CATSPERD: variants seen among roughly 807,000 people sequenced by gnomAD.
The protein encoded by CATSPERD is cation channel sperm-associated auxiliary subunit delta.
In CATSPERD, 86 loss-of-function variants were observed where a neutral mutation model predicts 98.1. The ratio of observed to expected loss-of-function variants is 0.88; its 90% CI spans 0.74 to 1.05. The LOEUF (loss-of-function observed/expected upper bound fraction) is 1.05. Among genes scored for constraint, CATSPERD ranks in the 50% least tolerant of loss-of-function variants. The pLI is 0.00. For synonymous variants in CATSPERD, 394 were observed against 390.2 expected (o/e 1.01, Z -0.12); for missense variants, 995 against 1,005.7 (o/e 0.99, Z 0.14).
chr19:5,721,227 C>G (rs1040255232), intron 1 of CATSPERD, among the ~76,000 whole-genome samples: 1 of 152,204 alleles, frequency 6.6e-6, no homozygotes, highest in East Asian at 1.9e-4. Context: ...TGGTCCCGAT[C>G]TCCTGACCTC....
intron 8 of CATSPERD, among the ~76,000 whole-genome samples, chr19:5,745,326 C>T (rs1215067506): frequency 6.6e-6 from 1 of 151,988 alleles, no homozygotes; most frequent in Admixed American, 6.6e-5. Context: ...TGTACTACAT[C>T]TTCAAAATGA....
In CATSPERD at chr19:5,750,860, T is replaced by A. The variant is rs547169555; in HGVS notation, c.988-787T>A. On this transcript the variant is annotated intron_variant, in intron 11 of 21. Coordinates refer to ENST00000381624, the MANE Select transcript of CATSPERD (RefSeq NM_152784.4). ...CTCTCTCCCTTCTTTCCTTTCTTCCTTCCTTTCTCTTTCTCTCTTCCTTTC... is the reference window on the plus strand; with the variant it reads ...CTCTCTCCCTTCTTTCCTTTCTTCCATCCTTTCTCTTTCTCTCTTCCTTTC... Among the ~76,000 whole-genome samples, 7 of 152,136 alleles carry A rather than the reference T, an allele frequency of 4.6e-5. No homozygotes were observed. The South Asian group carries it at 1.5e-3, about 32-fold the overall frequency.
intron 7 of CATSPERD, among the ~76,000 whole-genome samples, chr19:5,743,681 TTC>T (rs1202647151): frequency 5.9e-5 from 7 of 117,952 alleles, no homozygotes; most frequent in South Asian, 2.7e-4. Context: ...TCTCTCTCTC[TTC>T]CTCTCTCTCT....
intron 10 of CATSPERD, among the ~76,000 whole-genome samples, 176 bp downstream of exon 10, chr19:5,748,431 G>C (rs2056138147): frequency 6.6e-6 from 1 of 151,810 alleles, no homozygotes; most frequent in East Asian, 1.9e-4. Context: ...AGGAGTTCGA[G>C]ACCAGCCTGG....
chr19:5,765,993 C>A, intron 16 of CATSPERD, 110 bp from the exon 17 acceptor site: 1 of 732,170 alleles, frequency 1.4e-6, no homozygotes, highest in Non-Finnish European at 2.2e-6. Flanking sequence ...GGGATCCAGG[C>A]CACATGGTTT....
intron 1 of CATSPERD, among the ~76,000 whole-genome samples, chr19:5,723,927 C>G (rs2055552946): frequency 6.6e-6 from 1 of 151,966 alleles, no homozygotes; most frequent in South Asian, 2.1e-4. Flanking sequence ...CAGGCATGCG[C>G]CACCACACGC....
At chr19:5,722,053 G>A (rs1258215700) in intron 1 of CATSPERD, among the ~76,000 whole-genome samples, 9 of 151,916 alleles carry the variant, frequency 5.9e-5, no homozygotes, top group Non-Finnish European at 1.2e-4. Flanking sequence ...CTAGGCTCCA[G>A]TGATCCTCCT....
chr19:5,728,684 C>T (rs1042864222), intron 3 of CATSPERD, among the ~76,000 whole-genome samples: 3 of 150,656 alleles, frequency 2.0e-5, no homozygotes, highest in African/African-American at 7.4e-5. Context: ...CATAGCAAGA[C>T]CCATCTCTCT....
intron 15 of CATSPERD, among the ~76,000 whole-genome samples, chr19:5,761,529 G>T (rs143336355): frequency 7.9e-5 from 12 of 152,240 alleles, no homozygotes; most frequent in African/African-American, 2.9e-4. Context: ...AATTTATAAA[G>T]AAAAGAGGTT....
At position 5,727,258 on chromosome 19, in the gene CATSPERD, A is replaced by C. The variant is rs1321410823; in HGVS notation, c.127-10A>C. 6.2e-7 allele frequency: 1 copy of C among 1,603,642 alleles called. No individual in the cohort carries two copies. Among genetic ancestry groups the C allele is most frequent in the Non-Finnish European group, 8.5e-7 (1 of 1,172,344 alleles). On this transcript the variant is annotated splice_polypyrimidine_tract_variant and intron_variant, in intron 2 of 21. Coordinates refer to ENST00000381624, the MANE Select transcript of CATSPERD (RefSeq NM_152784.4). ...TTGATATTATTAAGATTTTGTGATT[A>C]TCTCTCTAGGACCGCCTGTATTTTC...
At chr19:5,723,195 AAAAAAG>A (rs753386995) in intron 1 of CATSPERD, among the ~76,000 whole-genome samples, 192 of 150,992 alleles carry the variant, frequency 1.3e-3, no homozygotes, top group African/African-American at 3.8e-3. Context: ...TCAAAAAAAA[AAAAAAG>A]AAAAAGAAAA....
At chr19:5,744,349 A>T in intron 7 of CATSPERD, 78 bp from the exon 8 acceptor site, 1 of 1,195,390 alleles carries the variant, frequency 8.4e-7, no homozygotes, top group Non-Finnish European at 1.2e-6. Flanking sequence ...GTAACTTATT[A>T]GATAATCTGA....
At chr19:5,732,163 CA>C (rs2055738688) in intron 4 of CATSPERD, among the ~76,000 whole-genome samples, 1 of 151,804 alleles carries the variant, frequency 6.6e-6, no homozygotes, top group East Asian at 1.9e-4. Flanking sequence ...TTAGTAGAGA[CA>C]GTGTTTCACT....
intron 11 of CATSPERD, among the ~76,000 whole-genome samples, chr19:5,751,197 CAAAAAAAA>C (rs556079596): frequency 2.1e-5 from 1 of 46,630 alleles, no homozygotes; most frequent in African/African-American, 7.6e-5. Flanking sequence ...GATTCCGTCT[CAAAAAAAA>C]AAAAAAAAAA....
rs1491269022 is a variant in CATSPERD at position 5,762,059 on chromosome 19, T to TATATATATATATATATA, written c.1428-1156_1428-1155insATATATATATATATATA. On this transcript the variant is annotated intron_variant, in intron 15 of 21. Transcript: ENST00000381624. ...GGCCTGCCATATATATATATATATA[T>TATATATATATATATATA]TTTTTTTTTTTTTTTTTTTTTTGAG... is the stretch of plus-strand genomic sequence containing the variant. Among the ~76,000 whole-genome samples the TATATATATATATATATA allele has an allele frequency of 3.5e-3, 65 of 18,496 alleles. 1 individual carries two copies. The highest frequency in any genetic ancestry group is 5.8e-3 in the Non-Finnish European group (52 of 8,978). The allele number at this position is 18,496 out of a possible 152,430, so 12.1% of individuals were successfully genotyped here.
chr19:5,772,468 C>T, intron 19 of CATSPERD: 1 of 285,382 alleles, frequency 3.5e-6, no homozygotes, highest in Non-Finnish European at 6.8e-6. Flanking sequence ...ACCTCGTGAT[C>T]CTCCCGCTTC....
chr19:5,749,187 G>A lies in CATSPERD; in HGVS notation c.987+4G>A. On this transcript the variant is annotated splice_donor_region_variant and intron_variant, in intron 11 of 21. Transcript: ENST00000381624. Reference sequence around the variant, plus strand: ...CGTGCCAAGTTCCATAATCAAAGTAGGTAAAAAGAAAGTGGGGTTATGGGC... The same window carrying A: ...CGTGCCAAGTTCCATAATCAAAGTAAGTAAAAAGAAAGTGGGGTTATGGGC... 1 of 1,608,614 alleles carries A rather than the reference G, an allele frequency of 6.2e-7. No individual in the cohort carries two copies. The highest frequency in any genetic ancestry group is 8.5e-7 in the Non-Finnish European group (1 of 1,176,714).
At chr19:5,769,959 C>T (rs2056613852) in intron 18 of CATSPERD, among the ~76,000 whole-genome samples, 1 of 151,466 alleles carries the variant, frequency 6.6e-6, no homozygotes, top group East Asian at 1.9e-4. Context: ...CGTGGTGGCA[C>T]ATGCCTGTAG....
chr19:5,734,376 C>T (rs551543232), intron 5 of CATSPERD, among the ~76,000 whole-genome samples: 11 of 152,296 alleles, frequency 7.2e-5, no homozygotes, highest in Admixed American at 2.6e-4. Context: ...CCGTGGCTCA[C>T]GCCTGTAATC....
Sources: gnomAD v4.1 joint callset for allele counts (sites outside exome capture counted in the v4.1 genomes callset) on GRCh38, gnomAD v4.1.1 for gene constraint, MANE v1.5 for transcripts, NCBI Gene and HGNC (gene_info 2026-07-23, HGNC 2026-07-21) for gene names.